Variants in RIMS1 observed in about 807,000 individuals in gnomAD.
RIMS1 encodes regulating synaptic membrane exocytosis protein 1.
Under a neutral mutation model 214.1 loss-of-function variants are expected in RIMS1, and 83 were observed. The observed-to-expected ratio is 0.39, with a 90% CI of 0.32 to 0.47. The LOEUF (loss-of-function observed/expected upper bound fraction) is 0.47, where lower values mean the gene tolerates loss of function less well. Among genes scored for constraint, RIMS1 ranks in the 20% least tolerant of loss-of-function variants. RIMS1 has a pLI of 0.99. For synonymous variants in RIMS1, 793 were observed against 786.8 expected, an observed-to-expected ratio of 1.01 and a Z score of -0.13; for missense variants, 2,050 against 2,161.8, an observed-to-expected ratio of 0.95 and a Z score of 1.03.
intron 2 of RIMS1, among the ~76,000 whole-genome samples, chr6:72,015,567 T>A (rs1812424629): frequency 6.6e-6 from 1 of 152,182 alleles, no homozygotes; most frequent in Non-Finnish European, 1.5e-5. Context: ...TTTAGTACAA[T>A]TTTTTAACAG....
chr6:72,170,501 G>T (rs570587361), intron 4 of RIMS1, among the ~76,000 whole-genome samples: 18 of 151,974 alleles, frequency 1.2e-4, no homozygotes, highest in African/African-American at 4.3e-4. Context: ...CCACCACCAC[G>T]CCTGGCTAAT....
intron 1 of RIMS1, among the ~76,000 whole-genome samples, chr6:71,902,442 C>T (rs1773934356): frequency 6.6e-6 from 1 of 152,048 alleles, no homozygotes; most frequent in African/African-American, 2.4e-5. Context: ...GCCCATGAGA[C>T]ACAAAAAGAA....
intron 6 of RIMS1, chr6:72,213,246 C>G: frequency 6.6e-7 from 1 of 1,523,646 alleles, no homozygotes; most frequent in South Asian, 1.2e-5. Context: ...AATGGTAATC[C>G]CACTTCATTT....
intron 28 of RIMS1, among the ~76,000 whole-genome samples, chr6:72,323,154 C>T (rs1441316481): frequency 6.6e-6 from 1 of 152,076 alleles, no homozygotes. Flanking sequence ...AAACTCTGTA[C>T]AAGAACAAGA....
chr6:72,401,496 T>G lies in RIMS1; in HGVS notation c.*782T>G, dbSNP rs563119676. 6.5e-6 allele frequency: 1 copy of G among 152,768 alleles called. No individual in the cohort carries two copies. The highest frequency in any genetic ancestry group is 1.5e-5 in the Non-Finnish European group (1 of 68,034). The allele number at this position is 152,768 out of a possible 1,614,324, so 9.5% of individuals were successfully genotyped here. A position where few individuals can be genotyped will look rare whatever the true frequency, so the allele number is the denominator to read the frequency against. ...TTTTTTAATGAAGAGCCTATCTGTT[T>G]GCATTCTAGAAAATTAATTTATGGT... On this transcript the variant is annotated 3_prime_UTR_variant, in exon 34 of 34. Transcript: ENST00000521978.
At chr6:72,196,765 G>A (rs559181189) in intron 6 of RIMS1, among the ~76,000 whole-genome samples, 6 of 151,854 alleles carry the variant, frequency 4.0e-5, no homozygotes, top group East Asian at 1.9e-4. Context: ...ATGGAAAGGC[G>A]AATATAGCGT....
At chr6:72,000,785 G>A (rs1177989224) in intron 2 of RIMS1, among the ~76,000 whole-genome samples, 2 of 152,084 alleles carry the variant, frequency 1.3e-5, no homozygotes, top group Non-Finnish European at 2.9e-5. Flanking sequence ...ATTGTTTATA[G>A]TCCTATCTTT....
intron 9 of RIMS1, among the ~76,000 whole-genome samples, chr6:72,239,305 G>T (rs1343671656): frequency 6.6e-6 from 1 of 152,118 alleles, no homozygotes; most frequent in Admixed American, 6.6e-5. Flanking sequence ...TAAAATATCT[G>T]TTAGTGATTC....
chr6:71,945,442 C>A (rs781025121), intron 1 of RIMS1, among the ~76,000 whole-genome samples: 1 of 152,112 alleles, frequency 6.6e-6, no homozygotes, highest in Non-Finnish European at 1.5e-5. Context: ...CAAGACCAAT[C>A]CAGAGCTAGA....
At position 72,265,061 on chromosome 6, in the gene RIMS1, C is replaced by A. The variant is rs564292772; in HGVS notation, c.3194+9C>A. The stretch of plus-strand genomic sequence containing the variant: ...CACTGGAATATTTACAGGTAAGAGC[C>A]CTAACAGTGAGTCCCACCCAGTTAT... On this transcript the variant is annotated intron_variant, in intron 20 of 33. Transcript: ENST00000521978. 181 of 1,527,872 alleles carry A rather than the reference C, an allele frequency of 1.2e-4. No individual in the cohort carries two copies. The East Asian group carries it at 3.5e-3, about 29-fold the overall frequency. The allele number at this position is 1,527,872 out of a possible 1,614,324, so 94.6% of individuals were successfully genotyped here.
chr6:72,340,544 C>G (rs1298135361), intron 29 of RIMS1, among the ~76,000 whole-genome samples: 2 of 152,082 alleles, frequency 1.3e-5, no homozygotes, highest in African/African-American at 4.8e-5. Flanking sequence ...AATAGGGAAT[C>G]CTTTCCCCAT....
intron 29 of RIMS1, among the ~76,000 whole-genome samples, chr6:72,377,458 G>C (rs1040950613): frequency 3.7e-4 from 57 of 152,132 alleles, no homozygotes; most frequent in Non-Finnish European, 1.5e-4. Flanking sequence ...TGGACTCTGG[G>C]TGGGCACATC....
At position 72,307,348 on chromosome 6, in the gene RIMS1, T is replaced by C. The variant is rs201798320; in HGVS notation, c.3941T>C (p.Leu1314Pro). 8.6e-5 allele frequency: 137 copies of C among 1,600,186 alleles called. No individual in the cohort carries two copies. Among genetic ancestry groups the C allele is most frequent in the East Asian group, 5.6e-4 (25 of 44,602 alleles). The part of the protein sequence containing the change: ...QTTGSGSSQE[L>P]DREQYSKYNI... ...ACAGGGTCTGGTTCTAGTCAAGAACTTGATCGCGAGCAATATTCCAAGGTA... is the reference window on the plus strand; with the variant it reads ...ACAGGGTCTGGTTCTAGTCAAGAACCTGATCGCGAGCAATATTCCAAGGTA... The change falls in exon 27 of 34, where the codon CTT becomes CCT. Residue 1314 changes from leucine to proline, a missense_variant. Coordinates refer to ENST00000521978, the MANE Select transcript of RIMS1 (RefSeq NM_014989.7).
intron 1 of RIMS1, among the ~76,000 whole-genome samples, chr6:71,896,790 CT>C (rs1039628994): frequency 7.9e-5 from 12 of 152,180 alleles, no homozygotes; most frequent in African/African-American, 2.9e-4. Context: ...TTTCTAAATG[CT>C]TCTATTTTAT....
intron 29 of RIMS1, among the ~76,000 whole-genome samples, chr6:72,364,538 C>G (rs1359494453): frequency 6.6e-6 from 1 of 152,142 alleles, no homozygotes; most frequent in African/African-American, 2.4e-5. Flanking sequence ...TTATCTTTCT[C>G]AAATATTGGC....
At chr6:72,262,999 C>G (rs2078740855) in intron 19 of RIMS1, 1 of 652,080 alleles carries the variant, frequency 1.5e-6, no homozygotes, top group South Asian at 7.0e-5. Context: ...AGGAAAAAAG[C>G]TACGAAAGTT....
intron 28 of RIMS1, among the ~76,000 whole-genome samples, chr6:72,322,266 A>G (rs954454542): frequency 1.6e-4 from 25 of 152,268 alleles, no homozygotes; most frequent in African/African-American, 5.8e-4. Context: ...AGCAGACTAC[A>G]TGGACTCAGA....
At chr6:71,969,509 T>G (rs1795288859) in intron 2 of RIMS1, among the ~76,000 whole-genome samples, 1 of 152,122 alleles carries the variant, frequency 6.6e-6, no homozygotes, top group Admixed American at 6.6e-5. Flanking sequence ...AACTGACAAT[T>G]TTTAAAAGTT....
intron 30 of RIMS1, among the ~76,000 whole-genome samples, chr6:72,391,813 G>A (rs2098707550): frequency 6.6e-6 from 1 of 152,140 alleles, no homozygotes. Flanking sequence ...TGATGAAGTA[G>A]CATAAAGTAA....
Sources: allele counts gnomAD v4.1 joint callset (sites outside exome capture counted in the v4.1 genomes callset), GRCh38; gene constraint gnomAD v4.1.1; transcripts MANE v1.5; gene names NCBI Gene and HGNC (gene_info 2026-07-23, HGNC 2026-07-21).